SYAP1: variants seen among roughly 807,000 people sequenced by gnomAD.
SYAP1 encodes the protein synapse-associated protein 1.
In SYAP1, 3 loss-of-function variants were observed where a neutral mutation model predicts 29.6. The ratio of observed to expected loss-of-function variants is 0.10; its 90% confidence interval spans 0.05 to 0.26. SYAP1 has a LOEUF of 0.26. Ranked by LOEUF, SYAP1 falls within the 10% of genes least tolerant of loss-of-function variation. SYAP1 has a pLI of 1.00. For missense variants in SYAP1, 217 were observed against 264.1 expected, an observed-to-expected ratio of 0.82 and a Z score of 1.24; for synonymous variants, 102 against 102.7, an observed-to-expected ratio of 0.99 and a Z score of 0.04.
intron 7 of SYAP1, 113 bp from the exon 8 acceptor site, chrX:16,757,049 G>A (rs756011036): frequency 2.1e-5 from 20 of 955,515 alleles, no homozygotes; most frequent in Admixed American, 2.8e-5. Flanking sequence ...CTTACAGCTC[G>A]CAGAGAAAAG....
At chrX:16,747,320 C>G (rs1336365396) in intron 5 of SYAP1, among the ~76,000 whole-genome samples, 2 of 112,223 alleles carry the variant, frequency 1.8e-5, no homozygotes, top group African/African-American at 6.5e-5. Flanking sequence ...GTGTTTCAAG[C>G]TCTTCCCTCA....
intron 1 of SYAP1, among the ~76,000 whole-genome samples, chrX:16,730,484 G>A (rs1416323315): frequency 8.9e-6 from 1 of 112,637 alleles, no homozygotes; most frequent in Non-Finnish European, 1.9e-5. Flanking sequence ...TGTACTAGGT[G>A]TGGAGCCTAA....
chrX:16,741,619 C>A, intron 3 of SYAP1, 97 bp from the exon 4 acceptor site: 1 of 553,980 alleles, frequency 1.8e-6, no homozygotes, highest in Non-Finnish European at 2.9e-6. Flanking sequence ...TTTTAGTGGT[C>A]ATGCAGAAAC....
Position 16,735,395 on chromosome X carries a change from C to T in SYAP1, c.294+50C>T, listed in dbSNP as rs181639613. On this transcript the variant is annotated intron_variant, in intron 2 of 8. Coordinates refer to ENST00000380155, the MANE Select transcript of SYAP1 (RefSeq NM_032796.4). ...TAGAAATGTATGAAATTCATTGTTT[C>T]CTCTTGATGGTTTCTTCTTCTTATG... 2.0e-3 allele frequency: 1,587 copies of T among 778,893 alleles called. 20 individuals carry two copies. In the African/African-American group the frequency reaches 0.03, roughly 15 times the overall value. 64.2% of individuals were successfully genotyped at this position (778,893 alleles called of 1,213,427 possible). A position where few individuals can be genotyped will look rare whatever the true frequency, so the allele number is the denominator to read the frequency against.
intron 1 of SYAP1, among the ~76,000 whole-genome samples, chrX:16,721,352 C>T (rs772831505): frequency 9.1e-5 from 10 of 109,699 alleles, no homozygotes; most frequent in Non-Finnish European, 1.7e-4. Flanking sequence ...CTACCTTATC[C>T]TCTCCAGTAG....
intron 5 of SYAP1, among the ~76,000 whole-genome samples, chrX:16,749,146 C>T (rs941878267): frequency 2.7e-5 from 3 of 110,952 alleles, no homozygotes; most frequent in African/African-American, 9.8e-5. Context: ...GCCTCAACCT[C>T]CCAGGCTCAA....
At chrX:16,750,742 C>T (rs1353988460) in intron 5 of SYAP1, among the ~76,000 whole-genome samples, 7 of 108,413 alleles carry the variant, frequency 6.5e-5, no homozygotes, top group Admixed American at 1.0e-4. Context: ...GCCTGAGTCT[C>T]ATTATTTTCT....
chrX:16,726,249 C>A (rs769929651), intron 1 of SYAP1, among the ~76,000 whole-genome samples: 13 of 111,816 alleles, frequency 1.2e-4, no homozygotes, highest in African/African-American at 3.9e-4. Context: ...TAATCTATAA[C>A]TAAGGTCTGA....
At chrX:16,749,662 T>TC (rs751118270) in intron 5 of SYAP1, among the ~76,000 whole-genome samples, 34 of 110,582 alleles carry the variant, frequency 3.1e-4, no homozygotes, top group African/African-American at 1.1e-3. Flanking sequence ...ACACCTGTAA[T>TC]CCCAGCACTT....
intron 3 of SYAP1, among the ~76,000 whole-genome samples, chrX:16,736,755 G>A (rs187201109): frequency 0.02 from 2,218 of 111,751 alleles, 60 homozygotes; most frequent in African/African-American, 0.067. Flanking sequence ...TGATCCGCCC[G>A]CCTTAGCCTC....
intron 5 of SYAP1, among the ~76,000 whole-genome samples, chrX:16,744,633 C>A (rs1348241109): frequency 8.9e-6 from 1 of 111,927 alleles, no homozygotes; most frequent in East Asian, 2.8e-4. Flanking sequence ...GAGTTCGAGA[C>A]CAGCCTGGGC....
chrX:16,752,872 T>C (rs185008341), intron 5 of SYAP1, among the ~76,000 whole-genome samples: 43 of 111,453 alleles, frequency 3.9e-4, no homozygotes, highest in African/African-American at 1.4e-3. Context: ...CTGTGAATAC[T>C]CTATTCATCA....
At position 16,762,874 on chromosome X, in the gene SYAP1, G is replaced by A. The variant is rs1456322799; in HGVS notation, c.*2515G>A. The stretch of plus-strand genomic sequence containing the variant: ...TCTAATATGCTCTCAGGGAAGCTGA[G>A]GTTTCTACTGCTTTTTACTTTTTAC... On this transcript the variant is annotated 3_prime_UTR_variant, in exon 9 of 9. Coordinates refer to ENST00000380155, the MANE Select transcript of SYAP1 (RefSeq NM_032796.4). The A allele has an allele frequency of 9.0e-6, 1 of 111,542 alleles. No individual in the cohort carries two copies. The highest frequency in any genetic ancestry group is 1.9e-5 in the Non-Finnish European group (1 of 53,181). The allele number at this position is 111,542 out of a possible 1,213,427, so 9.2% of individuals were successfully genotyped here. A position where few individuals can be genotyped will look rare whatever the true frequency, so the allele number is the denominator to read the frequency against.
intron 5 of SYAP1, among the ~76,000 whole-genome samples, chrX:16,751,191 G>A (rs916944823): frequency 1.6e-4 from 17 of 109,533 alleles, no homozygotes; most frequent in Non-Finnish European, 2.5e-4. Flanking sequence ...GGTGGCTCAC[G>A]CCTGTAATCC....
chrX:16,734,460 A>G (rs950593813), intron 1 of SYAP1, among the ~76,000 whole-genome samples: 4 of 110,681 alleles, frequency 3.6e-5, no homozygotes, highest in African/African-American at 1.3e-4. Flanking sequence ...AAATTCCCCC[A>G]GATTTATCAT....
intron 5 of SYAP1, among the ~76,000 whole-genome samples, chrX:16,745,180 A>G (rs1290874438): frequency 9.0e-6 from 1 of 111,362 alleles, no homozygotes; most frequent in Non-Finnish European, 1.9e-5. Context: ...TCCCCAGAGG[A>G]CTCCTCGGCC....
At chrX:16,736,112 A>G in intron 2 of SYAP1, 54 bp from the exon 3 acceptor site, 1 of 795,380 alleles carries the variant, frequency 1.3e-6, no homozygotes. Flanking sequence ...GGAAGTCATC[A>G]ATTAAACCTT....
chrX:16,755,380 C>G (rs1926819790), intron 6 of SYAP1, among the ~76,000 whole-genome samples: 2 of 108,812 alleles, frequency 1.8e-5, no homozygotes, highest in Admixed American at 2.0e-4. Flanking sequence ...TGTCCTCAAA[C>G]TCCTAGACTC....
intron 3 of SYAP1, among the ~76,000 whole-genome samples, chrX:16,737,771 G>A (rs1602325824): frequency 8.9e-6 from 1 of 111,962 alleles, no homozygotes; most frequent in East Asian, 2.8e-4. Context: ...TCAGGTCCTC[G>A]ATAACTACAT....
Sources: allele counts gnomAD v4.1 joint callset (sites outside exome capture counted in the v4.1 genomes callset), GRCh38; gene constraint gnomAD v4.1.1; transcripts MANE v1.5; gene names NCBI Gene and HGNC (gene_info 2026-07-23, HGNC 2026-07-21).